The following FBN2 variants were observed in gnomAD, a reference collection of about 807,000 sequenced individuals.
FBN2 encodes the protein fibrillin 2, also known as fibrillin-2.
Under a neutral mutation model 355.6 loss-of-function variants are expected in FBN2, and 105 were observed. That is an observed-to-expected ratio of 0.30 (90% CI 0.25 to 0.35). FBN2 has a LOEUF of 0.35. Ranked by LOEUF, FBN2 falls within the 10% of genes least tolerant of loss-of-function variation. FBN2 has a pLI of 1.00. For missense variants in FBN2, 3,280 were observed against 3,758.7 expected (o/e 0.87, Z 3.33); for synonymous variants, 1,350 against 1,301.2 (o/e 1.04, Z -0.81).
chr5:128,304,924 A>G (rs753359867), intron 45 of FBN2, 33 bp downstream of exon 45: 1 of 1,613,536 alleles, frequency 6.2e-7, no homozygotes, highest in African/African-American at 1.3e-5. Context: ...CCCCAGCCCC[A>G]CTTCACTCCC....
At chr5:128,509,179 A>AT (rs1199284606) in intron 5 of FBN2, among the ~76,000 whole-genome samples, 4 of 152,026 alleles carry the variant, frequency 2.6e-5, no homozygotes, top group African/African-American at 9.7e-5. Context: ...CTTCAAATAT[A>AT]TTTTTTCTGC....
chr5:128,442,091 T>C (rs1430423509), intron 7 of FBN2: 2 of 310,956 alleles, frequency 6.4e-6, no homozygotes, highest in African/African-American at 2.2e-5. Flanking sequence ...CTTTTATGAG[T>C]TTCATGAGCC....
intron 5 of FBN2, among the ~76,000 whole-genome samples, chr5:128,512,601 T>C (rs1384850446): frequency 6.6e-6 from 1 of 152,004 alleles, no homozygotes; most frequent in Non-Finnish European, 1.5e-5. Flanking sequence ...AACTCTGTGC[T>C]AGACACAGGC....
At chr5:128,463,264 A>G (rs1332451414) in intron 6 of FBN2, among the ~76,000 whole-genome samples, 1 of 152,112 alleles carries the variant, frequency 6.6e-6, no homozygotes, top group East Asian at 1.9e-4. Flanking sequence ...AAACTGTTGC[A>G]CTACCAGGAA....
Position 128,300,679 on chromosome 5 carries a change from A to T in FBN2, c.6166+138T>A, listed in dbSNP as rs562540168. ...CCATCATTTCTGATGGTTCAGTAAA[A>T]CAGATGTAGGCAGCTATATGTTTAA... On this transcript the variant is annotated intron_variant, in intron 48 of 64. Coordinates refer to ENST00000262464, the MANE Select transcript of FBN2 (RefSeq NM_001999.4). The T allele has an allele frequency of 1.4e-4, 123 of 873,140 alleles. No individual in the cohort carries two copies. In the African/African-American group the frequency reaches 1.5e-3, roughly 10 times the overall value. 54.1% of individuals were successfully genotyped at this position (873,140 alleles called of 1,614,324 possible). A position where few individuals can be genotyped will look rare whatever the true frequency, so the allele number is the denominator to read the frequency against.
intron 60 of FBN2, 134 bp from the exon 61 acceptor site, chr5:128,274,102 C>A: frequency 3.2e-6 from 3 of 937,580 alleles, no homozygotes; most frequent in East Asian, 2.6e-5. Flanking sequence ...AAATTTATAC[C>A]AAAATTCACT....
At chr5:128,468,684 A>G (rs892428681) in intron 5 of FBN2, among the ~76,000 whole-genome samples, 1 of 152,282 alleles carries the variant, frequency 6.6e-6, no homozygotes, top group Middle Eastern at 3.4e-3. Flanking sequence ...AAATAAACAC[A>G]TTTGCTTGGG....
chr5:128,496,490 T>C (rs889068771), intron 5 of FBN2, among the ~76,000 whole-genome samples: 2 of 151,290 alleles, frequency 1.3e-5, no homozygotes, highest in African/African-American at 2.4e-5. Flanking sequence ...AAACTAGGAG[T>C]AGAAGGGAAC....
intron 5 of FBN2, among the ~76,000 whole-genome samples, chr5:128,511,052 T>C (rs1409800420): frequency 6.6e-6 from 1 of 152,224 alleles, no homozygotes; most frequent in Admixed American, 6.5e-5. Flanking sequence ...AAAGTATTTA[T>C]CATAGTAAAA....
At chr5:128,366,715 G>A (rs1751778454) in intron 16 of FBN2, among the ~76,000 whole-genome samples, 1 of 151,896 alleles carries the variant, frequency 6.6e-6, no homozygotes, top group Non-Finnish European at 1.5e-5. Context: ...AAATATAAAT[G>A]GTCTTAAAGA....
At chr5:128,292,618 C>CA (rs368774164) in intron 48 of FBN2, among the ~76,000 whole-genome samples, 15 of 151,814 alleles carry the variant, frequency 9.9e-5, no homozygotes, top group Non-Finnish European at 1.8e-4. Flanking sequence ...CCACCAACAA[C>CA]AAAAAAAACA....
At position 128,273,974 on chromosome 5, in the gene FBN2, AAAG is replaced by A; in HGVS notation, c.7712-9_7712-7del. The A allele has an allele frequency of 6.2e-7, 1 of 1,613,944 alleles. No homozygotes were observed. ...AGACCCACATTCGTTGTTGTCTGGCAAAGCATCAAGAAGCAGAGCGTCAAACTT... is the reference window on the plus strand; with the variant it reads ...AGACCCACATTCGTTGTTGTCTGGCACATCAAGAAGCAGAGCGTCAAACTT... On this transcript the variant is annotated splice_region_variant and splice_polypyrimidine_tract_variant and intron_variant, in intron 60 of 64. Coordinates refer to ENST00000262464, the MANE Select transcript of FBN2 (RefSeq NM_001999.4).
intron 63 of FBN2, among the ~76,000 whole-genome samples, chr5:128,263,200 A>T (rs1048144981): frequency 1.3e-5 from 2 of 152,230 alleles, no homozygotes; most frequent in African/African-American, 4.8e-5. Context: ...AGTGATATTT[A>T]CATACAAGTT....
intron 48 of FBN2, among the ~76,000 whole-genome samples, chr5:128,299,591 G>T (rs1749654821): frequency 6.6e-6 from 1 of 152,152 alleles, no homozygotes; most frequent in Non-Finnish European, 1.5e-5. Context: ...TTCTCCAGGT[G>T]CCGTCTGTCA....
At chr5:128,368,934 T>G (rs1263112909) in intron 16 of FBN2, among the ~76,000 whole-genome samples, 1 of 151,982 alleles carries the variant, frequency 6.6e-6, no homozygotes, top group African/African-American at 2.4e-5. Context: ...ATTACAGGTG[T>G]GAGCCACCAC....
rs77282897 is a variant in FBN2, at chr5:128,519,783, C to T, written c.533-415G>A. Among the ~76,000 whole-genome samples, 1,266 of 150,664 alleles carry T rather than the reference C, an allele frequency of 8.4e-3. 23 individuals are homozygous for T. Among genetic ancestry groups the T allele is most frequent in the African/African-American group, 0.029 (1,194 of 41,032 alleles). ...AATGAAGGAAAAAAGAGGCCGATCCCGGTAGCACAGGGAAGGAGTAGGAGG... is the reference window on the plus strand; with the variant it reads ...AATGAAGGAAAAAAGAGGCCGATCCTGGTAGCACAGGGAAGGAGTAGGAGG... On this transcript the variant is annotated intron_variant, in intron 4 of 64. Coordinates refer to ENST00000262464, the MANE Select transcript of FBN2 (RefSeq NM_001999.4).
At position 128,290,898 on chromosome 5, in the gene FBN2, C is replaced by T; in HGVS notation, c.6293-14G>A. On this transcript the variant is annotated splice_polypyrimidine_tract_variant and intron_variant, in intron 49 of 64. Coordinates refer to ENST00000262464, the MANE Select transcript of FBN2 (RefSeq NM_001999.4). ...TCTGGCGAGTATCTAATCAAAAAAG[C>T]AAACATTACAGATGGAATTATTTTG... 6.2e-7 allele frequency: 1 copy of T among 1,612,074 alleles called. No homozygotes were observed. The highest frequency in any genetic ancestry group is 8.5e-7 in the Non-Finnish European group (1 of 1,178,314).
At chr5:128,272,397 T>C (rs565099191) in intron 61 of FBN2, among the ~76,000 whole-genome samples, 66 of 150,658 alleles carry the variant, frequency 4.4e-4, no homozygotes, top group African/African-American at 1.5e-3. Context: ...AAGTCAACCA[T>C]AGCAACCACA....
chr5:128,279,415 C>T (rs1765478073), intron 56 of FBN2, among the ~76,000 whole-genome samples: 1 of 151,986 alleles, frequency 6.6e-6, no homozygotes, highest in Non-Finnish European at 1.5e-5. Flanking sequence ...CAGAAAATTA[C>T]ACTTTATATG....
Sources: allele counts gnomAD v4.1 joint callset (sites outside exome capture counted in the v4.1 genomes callset), GRCh38; gene constraint gnomAD v4.1.1; transcripts MANE v1.5; gene names NCBI Gene and HGNC (gene_info 2026-07-23, HGNC 2026-07-21).